Variants in LRRIQ3 observed in about 807,000 individuals in gnomAD.
LRRIQ3 encodes leucine-rich repeat and IQ domain-containing protein 3.
A neutral mutation model predicts 59.3 loss-of-function variants in LRRIQ3; 75 were observed. That is an observed-to-expected ratio of 1.26 (90% CI 1.05 to 1.53). LRRIQ3 has a LOEUF of 1.53. Among genes scored for constraint, LRRIQ3 ranks in the 40% most tolerant of loss-of-function variants. The pLI, the probability that LRRIQ3 is intolerant of heterozygous loss-of-function variation, is 0.00. For synonymous variants in LRRIQ3, 250 were observed against 231.3 expected (o/e 1.08, Z -0.73); for missense variants, 831 against 710.0 (o/e 1.17, Z -1.94).
intron 5 of LRRIQ3, among the ~76,000 whole-genome samples, chr1:74,079,275 T>G (rs145900282): frequency 1.3e-5 from 2 of 151,856 alleles, no homozygotes; most frequent in Admixed American, 1.3e-4. Flanking sequence ...ATGCTACTGT[T>G]GACTTGGTTT....
intron 5 of LRRIQ3, among the ~76,000 whole-genome samples, chr1:74,105,027 GA>G (rs1646589447): frequency 6.6e-6 from 1 of 151,966 alleles, no homozygotes; most frequent in Non-Finnish European, 1.5e-5. Flanking sequence ...AGAGGTACCT[GA>G]AGGCAATATT....
At chr1:74,177,955 G>T (rs1008264859) in intron 3 of LRRIQ3, among the ~76,000 whole-genome samples, 2 of 151,668 alleles carry the variant, frequency 1.3e-5, no homozygotes, top group Non-Finnish European at 2.9e-5. Context: ...AGTATTTATG[G>T]TATATGTTTT....
intron 7 of LRRIQ3, among the ~76,000 whole-genome samples, chr1:74,037,773 C>A (rs765226606): frequency 6.6e-6 from 1 of 152,174 alleles, no homozygotes; most frequent in Admixed American, 6.5e-5. Flanking sequence ...GGCAGGGGAG[C>A]CCCCACACCC....
chr1:74,101,413 G>T (rs937430655), intron 5 of LRRIQ3, among the ~76,000 whole-genome samples: 1 of 152,112 alleles, frequency 6.6e-6, no homozygotes, highest in Non-Finnish European at 1.5e-5. Context: ...GAAACAACAG[G>T]TGCCAGAGAG....
intron 4 of LRRIQ3, among the ~76,000 whole-genome samples, chr1:74,147,772 T>C (rs1647672219): frequency 6.6e-6 from 1 of 152,174 alleles, no homozygotes; most frequent in Admixed American, 6.5e-5. Flanking sequence ...AGACGACCTT[T>C]TGGGGTTGAA....
intron 4 of LRRIQ3, among the ~76,000 whole-genome samples, chr1:74,139,480 T>C (rs1340923260): frequency 6.6e-6 from 1 of 151,934 alleles, no homozygotes; most frequent in Non-Finnish European, 1.5e-5. Context: ...ATTGTACCCA[T>C]AAATACCTTT....
intron 1 of LRRIQ3, among the ~76,000 whole-genome samples, chr1:74,186,049 T>TTA (rs1167594525): frequency 6.7e-6 from 1 of 149,318 alleles, no homozygotes; most frequent in East Asian, 1.9e-4. Flanking sequence ...GTACACAAAA[T>TTA]TATATATATA....
intron 4 of LRRIQ3, among the ~76,000 whole-genome samples, chr1:74,124,707 C>A (rs1421015248): frequency 1.3e-5 from 2 of 151,830 alleles, no homozygotes; most frequent in Non-Finnish European, 2.9e-5. Flanking sequence ...TATTCTATTC[C>A]ATTGTTCTAT....
chr1:74,078,764 C>T (rs756593785), intron 5 of LRRIQ3: 5 of 151,586 alleles, frequency 3.3e-5, no homozygotes, highest in African/African-American at 4.8e-5. Flanking sequence ...TTATTGTGAA[C>T]GTAAGCCCTA....
At chr1:74,170,509 G>A (rs993812155) in intron 3 of LRRIQ3, among the ~76,000 whole-genome samples, 1 of 151,908 alleles carries the variant, frequency 6.6e-6, no homozygotes, top group Non-Finnish European at 1.5e-5. Context: ...TCTGTATTCC[G>A]TTCTATTGTT....
chr1:74,114,242 C>T lies in LRRIQ3; in HGVS notation c.708-4689G>A, dbSNP rs566255421. Among the ~76,000 whole-genome samples, 1,374 of 151,894 alleles carry T rather than the reference C, an allele frequency of 9.0e-3. 8 individuals carry two copies. The highest frequency in any genetic ancestry group is 0.024 in the Middle Eastern group (7 of 294). ...AATATATCCATTCATCTTTTAGTTT[C>T]TTTAAAAAGCTTACAGTTTTATAAT... On this transcript the variant is annotated intron_variant, in intron 4 of 7. Coordinates refer to ENST00000354431, the MANE Select transcript of LRRIQ3 (RefSeq NM_001105659.2).
chr1:74,062,504 G>C (rs1182242440), intron 6 of LRRIQ3, among the ~76,000 whole-genome samples: 1 of 152,014 alleles, frequency 6.6e-6, no homozygotes, highest in Admixed American at 6.6e-5. Flanking sequence ...GACAATTTCT[G>C]AAAGGACTTA....
chr1:74,047,417 G>A (rs1654237289), intron 6 of LRRIQ3, among the ~76,000 whole-genome samples: 1 of 152,050 alleles, frequency 6.6e-6, no homozygotes, highest in Non-Finnish European at 1.5e-5. Flanking sequence ...ACAGGGAGAG[G>A]AACATCACAT....
At chr1:74,070,150 A>AATTGTTCTATCAT (rs1553163882) in intron 6 of LRRIQ3, among the ~76,000 whole-genome samples, 1 of 152,102 alleles carries the variant, frequency 6.6e-6, no homozygotes, top group African/African-American at 2.4e-5. Context: ...AAGGAATATA[A>AATTGTTCTATCAT]ATTGTTCTAT....
chr1:74,133,175 C>T (rs1647055581), intron 4 of LRRIQ3, among the ~76,000 whole-genome samples: 1 of 152,062 alleles, frequency 6.6e-6, no homozygotes, highest in African/African-American at 2.4e-5. Flanking sequence ...CCACCTCACA[C>T]CAGTTAGAAT....
At chr1:74,137,218 C>T (rs1647138151) in intron 4 of LRRIQ3, among the ~76,000 whole-genome samples, 1 of 151,758 alleles carries the variant, frequency 6.6e-6, no homozygotes, top group Admixed American at 6.6e-5. Flanking sequence ...TAAAATTAAA[C>T]AATCAACCTA....
chr1:74,040,580 T>C (rs548483988), intron 7 of LRRIQ3, among the ~76,000 whole-genome samples: 7 of 152,274 alleles, frequency 4.6e-5, no homozygotes, highest in Admixed American at 4.6e-4. Flanking sequence ...ACTGAAATCA[T>C]AGCAAACAGT....
intron 5 of LRRIQ3, among the ~76,000 whole-genome samples, chr1:74,076,112 C>A (rs1400454622): frequency 1.3e-5 from 2 of 152,030 alleles, no homozygotes. Context: ...TATTGGTAGG[C>A]AACCAATAGT....
intron 6 of LRRIQ3, among the ~76,000 whole-genome samples, chr1:74,073,183 GT>G (rs1184961692): frequency 6.6e-6 from 1 of 152,026 alleles, no homozygotes. Context: ...TGATATCTAT[GT>G]TCCAGATTCA....
Sources: allele counts gnomAD v4.1 joint callset (sites outside exome capture counted in the v4.1 genomes callset), GRCh38; gene constraint gnomAD v4.1.1; transcripts MANE v1.5; gene names NCBI Gene and HGNC (gene_info 2026-07-23, HGNC 2026-07-21).